The following FABP7 variants were observed in gnomAD, a reference collection of about 807,000 sequenced individuals.
FABP7 encodes fatty acid binding protein 7.
In FABP7, 13 loss-of-function variants were observed where a neutral mutation model predicts 14.2. The ratio of observed to expected loss-of-function variants is 0.91; its 90% CI spans 0.59 to 1.45. FABP7 has a LOEUF of 1.45. Among genes scored for constraint, FABP7 ranks in the 40% most tolerant of loss-of-function variants. The pLI, the probability that FABP7 is intolerant of heterozygous loss-of-function variation, is 0.00. For synonymous variants in FABP7, 49 were observed against 51.4 expected, an observed-to-expected ratio of 0.95 and a Z score of 0.20; for missense variants, 149 against 157.6, an observed-to-expected ratio of 0.95 and a Z score of 0.29.
At chr6:122,749,688 C>A in the FABP7 span, among the ~76,000 whole-genome samples, 2 of 152,234 alleles carry the variant, frequency 1.3e-5, no homozygotes, top group African/African-American at 4.8e-5. Context: ...AGTTTCCTTG[C>A]CAGTCTGCAA....
At chr6:122,769,417 A>T in the FABP7 span, among the ~76,000 whole-genome samples, 1 of 152,248 alleles carries the variant, frequency 6.6e-6, no homozygotes, top group South Asian at 2.1e-4. Flanking sequence ...ATTAAATCCT[A>T]TTGTAAGCTC....
the FABP7 span, among the ~76,000 whole-genome samples, chr6:122,752,659 A>G: frequency 6.6e-6 from 1 of 152,174 alleles, no homozygotes; most frequent in African/African-American, 2.4e-5. Flanking sequence ...AAGCTAGTAC[A>G]CTTCTGAAAG....
At chr6:122,783,685 A>G in intron 3 of FABP7, 32 bp from the exon 4 acceptor site, 1 of 1,575,464 alleles carries the variant, frequency 6.3e-7, no homozygotes. Context: ...GTTCCTGTAT[A>G]AAAAGATTTG....
At chr6:122,751,845 A>G in the FABP7 span, among the ~76,000 whole-genome samples, 6 of 152,152 alleles carry the variant, frequency 3.9e-5, no homozygotes, top group South Asian at 1.2e-3. Flanking sequence ...GCTAGCTCCC[A>G]GGCTCTCTTG....
At position 122,781,844 on chromosome 6, in the gene FABP7, C is replaced by G. The variant is rs879448550; in HGVS notation, c.348+650C>G. 3 of 470,468 alleles carry G rather than the reference C, an allele frequency of 6.4e-6. No homozygotes were observed. The African/African-American group carries it at 6.5e-5, about 10-fold the overall frequency. The allele number at this position is 470,468 out of a possible 1,614,324, so 29.1% of individuals were successfully genotyped here. A position where few individuals can be genotyped will look rare whatever the true frequency, so the allele number is the denominator to read the frequency against. On this transcript the variant is annotated intron_variant, in intron 3 of 3. Coordinates refer to ENST00000368444, the MANE Select transcript of FABP7 (RefSeq NM_001446.5). ...GCAACCTCTGCTTCATGGGCTCAAG[C>G]GATTCTACAACCTCAGCCTCCTAAG...
At chr6:122,779,947 G>C in intron 1 of FABP7, 80 bp downstream of exon 1, 1 of 1,341,738 alleles carries the variant, frequency 7.5e-7, no homozygotes, top group South Asian at 1.2e-5. Context: ...CACTCATCAG[G>C]TCAGCAAGAG....
chr6:122,755,620 A>AT, the FABP7 span, among the ~76,000 whole-genome samples: 62 of 147,932 alleles, frequency 4.2e-4, no homozygotes, highest in South Asian at 1.1e-3. Context: ...CGCCCGGCTA[A>AT]TTTTTTTTTT....
At chr6:122,773,251 T>C in the FABP7 span, among the ~76,000 whole-genome samples, 6 of 152,168 alleles carry the variant, frequency 3.9e-5, no homozygotes, top group Non-Finnish European at 8.8e-5. Context: ...TCTACAAATG[T>C]AATCATTTAT....
chr6:122,780,460 T>G lies in FABP7; in HGVS notation c.243T>G (p.Cys81Trp). The stretch of plus-strand genomic sequence containing the variant: ...AAACCACTGCAGATGATAGAAACTG[T>G]AAGGTGAGAAACTGCTTCTTCTTCA... ...FDETTADDRN[C>W]KSVVSLDGDK... is the part of the protein sequence containing the mutation. The change falls in exon 2 of 4, where the codon TGT becomes TGG. Residue 81 changes from cysteine to tryptophan, a missense_variant. Transcript: ENST00000368444. 6.2e-7 allele frequency: 1 copy of G among 1,610,086 alleles called. No homozygotes were observed. Among genetic ancestry groups the G allele is most frequent in the Non-Finnish European group, 8.5e-7 (1 of 1,179,012 alleles).
At chr6:122,774,642 G>A in the FABP7 span, among the ~76,000 whole-genome samples, 1 of 151,810 alleles carries the variant, frequency 6.6e-6, no homozygotes, top group African/African-American at 2.4e-5. Context: ...ACATGGTATT[G>A]GAAGTCCTAG....
chr6:122,774,593 G>C, the FABP7 span, among the ~76,000 whole-genome samples: 1 of 152,020 alleles, frequency 6.6e-6, no homozygotes, highest in Non-Finnish European at 1.5e-5. Flanking sequence ...AAAAATGTCA[G>C]TATATGGAGT....
chr6:122,780,448 T>C lies in FABP7; in HGVS notation c.231T>C (p.Asp77=). Residue 77 remains aspartate, a synonymous_variant, in exon 2 of 4, where the codon GAT becomes GAC. Transcript: ENST00000368444. ...LGEEFDETTA[D]DRNCKSVVSL... ...AAGAGTTTGATGAAACCACTGCAGA[T>C]GATAGAAACTGTAAGGTGAGAAACT... The C allele has an allele frequency of 6.2e-7, 1 of 1,612,460 alleles. No homozygotes were observed. The highest frequency in any genetic ancestry group is 8.5e-7 in the Non-Finnish European group (1 of 1,179,628).
the FABP7 span, among the ~76,000 whole-genome samples, chr6:122,766,097 C>T: frequency 6.6e-6 from 1 of 151,996 alleles, no homozygotes; most frequent in Admixed American, 6.6e-5. Flanking sequence ...GAGTTCTGCT[C>T]TCAAATATGT....
chr6:122,770,811 T>TA, the FABP7 span, among the ~76,000 whole-genome samples: 1 of 152,264 alleles, frequency 6.6e-6, no homozygotes, highest in Admixed American at 6.5e-5. Flanking sequence ...CAAACACATT[T>TA]AAAAAATGTT....
chr6:122,769,876 C>T, the FABP7 span, among the ~76,000 whole-genome samples: 2 of 151,924 alleles, frequency 1.3e-5, no homozygotes, highest in South Asian at 2.1e-4. Context: ...AAAATAATGC[C>T]GCAATTTTAT....
chr6:122,769,807 C>T, the FABP7 span, among the ~76,000 whole-genome samples: 4 of 151,958 alleles, frequency 2.6e-5, no homozygotes, highest in Non-Finnish European at 4.4e-5. Flanking sequence ...TAGTGTAATC[C>T]TAATGGTTTC....
the FABP7 span, among the ~76,000 whole-genome samples, chr6:122,773,025 G>A: frequency 6.6e-6 from 1 of 152,108 alleles, no homozygotes; most frequent in African/African-American, 2.4e-5. Flanking sequence ...GGAGAGCAAA[G>A]ATCACCTGGT....
At chr6:122,753,530 C>G in the FABP7 span, among the ~76,000 whole-genome samples, 2 of 152,228 alleles carry the variant, frequency 1.3e-5, no homozygotes, top group Admixed American at 1.3e-4. Context: ...TGCTGTGGTG[C>G]ACATATTTGT....
the FABP7 span, among the ~76,000 whole-genome samples, chr6:122,763,947 T>G: frequency 6.6e-6 from 1 of 152,216 alleles, no homozygotes; most frequent in Non-Finnish European, 1.5e-5. Flanking sequence ...TTAGTGGTAG[T>G]GTAAACTAGT....
Sources: gnomAD v4.1 joint callset for allele counts (sites outside exome capture counted in the v4.1 genomes callset) on GRCh38, gnomAD v4.1.1 for gene constraint, MANE v1.5 for transcripts, NCBI Gene and HGNC (gene_info 2026-07-23, HGNC 2026-07-21) for gene names.